Variants in CAMLG observed in about 807,000 individuals in gnomAD.
CAMLG encodes the protein calcium modulating ligand, also known as guided entry of tail-anchored proteins factor CAMLG.
Under a neutral mutation model 28.9 loss-of-function variants are expected in CAMLG, and 23 were observed. The observed-to-expected ratio is 0.80, with a 90% CI of 0.57 to 1.13. The LOEUF (loss-of-function observed/expected upper bound fraction) is 1.13, where lower values mean the gene tolerates loss of function less well. Ranked by LOEUF, CAMLG falls within the 50% of genes most tolerant of loss-of-function variation. CAMLG has a pLI of 0.00. For synonymous variants in CAMLG, 141 were observed against 146.5 expected (o/e 0.96, Z 0.27); for missense variants, 367 against 371.9 (o/e 0.99, Z 0.11).
At chr5:134,748,862 C>T (rs1187100094) in intron 3 of CAMLG, among the ~76,000 whole-genome samples, 1 of 152,164 alleles carries the variant, frequency 6.6e-6, no homozygotes. Context: ...TGAGATTTAT[C>T]CATGTTGTTG....
intron 3 of CAMLG, among the ~76,000 whole-genome samples, chr5:134,747,865 CTTT>C (rs112151765): frequency 5.8e-5 from 8 of 137,460 alleles, no homozygotes; most frequent in Non-Finnish European, 7.9e-5. Flanking sequence ...TGGTCTCTTT[CTTT>C]TTTTTTTTTT....
chr5:134,745,760 A>G (rs1753040068), intron 3 of CAMLG, among the ~76,000 whole-genome samples: 1 of 151,794 alleles, frequency 6.6e-6, no homozygotes, highest in South Asian at 2.1e-4. Context: ...CAAAAAAAAA[A>G]AAAGAAAATC....
intron 3 of CAMLG, among the ~76,000 whole-genome samples, chr5:134,746,302 A>C (rs916490358): frequency 2.0e-5 from 3 of 152,154 alleles, no homozygotes; most frequent in Non-Finnish European, 4.4e-5. Context: ...AGAAAAAATA[A>C]TGTATTATTT....
chr5:134,741,049 A>G lies in CAMLG; in HGVS notation c.173-14A>G. 6.3e-7 allele frequency: 1 copy of G among 1,581,522 alleles called. No individual in the cohort carries two copies. Among genetic ancestry groups the G allele is most frequent in the East Asian group, 2.2e-5 (1 of 44,600 alleles). On this transcript the variant is annotated splice_polypyrimidine_tract_variant and intron_variant, in intron 1 of 3. Transcript: ENST00000297156. Reference sequence around the variant, plus strand: ...TGGAATAAATACATAAGGCTTTTACATTTCTTTTCTCAGAAGAAGAAAGTC... The same window carrying G: ...TGGAATAAATACATAAGGCTTTTACGTTTCTTTTCTCAGAAGAAGAAAGTC...
intron 2 of CAMLG, among the ~76,000 whole-genome samples, chr5:134,743,340 A>G (rs1227829192): frequency 6.6e-6 from 1 of 152,210 alleles, no homozygotes; most frequent in East Asian, 1.9e-4. Flanking sequence ...GGGGACGCTA[A>G]AAGAATATGA....
At chr5:134,743,400 T>C (rs1753006960) in intron 2 of CAMLG, among the ~76,000 whole-genome samples, 1 of 152,126 alleles carries the variant, frequency 6.6e-6, no homozygotes, top group Admixed American at 6.6e-5. Flanking sequence ...AATCAAATAT[T>C]TTATTTTCTT....
intron 3 of CAMLG, among the ~76,000 whole-genome samples, chr5:134,745,222 G>A (rs772770469): frequency 6.6e-6 from 1 of 151,478 alleles, no homozygotes; most frequent in South Asian, 2.1e-4. Flanking sequence ...TGGATCACGA[G>A]GTCAAGAGAT....
chr5:134,743,167 G>A (rs557705385), intron 2 of CAMLG, among the ~76,000 whole-genome samples: 6 of 152,278 alleles, frequency 3.9e-5, no homozygotes, highest in South Asian at 4.1e-4. Context: ...AGAATGCCAC[G>A]TATTTTGAGT....
chr5:134,740,854 C>T (rs1180667638), intron 1 of CAMLG, among the ~76,000 whole-genome samples: 1 of 152,180 alleles, frequency 6.6e-6, no homozygotes, highest in Admixed American at 6.5e-5. Context: ...ATGATCCGCC[C>T]GCCTCAGCCT....
In CAMLG at chr5:134,752,075, G is replaced by C. The variant is rs556336059; in HGVS notation, c.*1125G>C. ...AAGACTAAAGTGTTAATGTCACTTG[G>C]TGTTACATTTCCTTACAGATTTTTG... On this transcript the variant is annotated 3_prime_UTR_variant, in exon 4 of 4. Coordinates refer to ENST00000297156, the MANE Select transcript of CAMLG (RefSeq NM_001745.4). The C allele has an allele frequency of 1.3e-5, 2 of 152,312 alleles. No individual in the cohort carries two copies. The highest frequency in any genetic ancestry group is 4.1e-4 in the South Asian group (2 of 4,828). The allele number at this position is 152,312 out of a possible 1,614,324, so 9.4% of individuals were successfully genotyped here. A position where few individuals can be genotyped will look rare whatever the true frequency, so the allele number is the denominator to read the frequency against.
intron 3 of CAMLG, among the ~76,000 whole-genome samples, chr5:134,746,388 A>C (rs1299675419): frequency 6.6e-6 from 1 of 152,178 alleles, no homozygotes; most frequent in African/African-American, 2.4e-5. Flanking sequence ...TGTGTGATAG[A>C]GATGTATATA....
In CAMLG at chr5:134,738,724, A is replaced by C. The variant is rs1272676528; in HGVS notation, c.104A>C (p.Lys35Thr). The C allele has an allele frequency of 6.2e-7, 1 of 1,614,042 alleles. No homozygotes were observed. Among genetic ancestry groups the C allele is most frequent in the Admixed American group, 1.7e-5 (1 of 60,012 alleles). ...CGTCGGGCGGAGCTGCGTCGGAGAA[A>C]GCTGCTCATGAACTCGGAACAGCGC... is the stretch of plus-strand genomic sequence containing the variant. The part of the protein sequence containing the change: ...SQRRAELRRR[K>T]LLMNSEQRIN... The change falls in exon 1 of 4, where the codon AAG (lysine) becomes ACG (threonine). Residue 35 changes from lysine (K) to threonine (T), a missense_variant. Transcript: ENST00000297156.
At chr5:134,743,017 C>T (rs1317351275) in intron 2 of CAMLG, among the ~76,000 whole-genome samples, 1 of 152,210 alleles carries the variant, frequency 6.6e-6, no homozygotes, top group Non-Finnish European at 1.5e-5. Context: ...GGATTACAGG[C>T]ATGAGCCGCC....
rs780547999 is a variant in CAMLG at position 134,745,139 on chromosome 5, T to C, written c.699+1087T>C. Among the ~76,000 whole-genome samples the C allele has an allele frequency of 2.6e-5, 4 of 152,216 alleles. No homozygotes were observed. In the South Asian group the frequency reaches 8.3e-4, roughly 31 times the overall value. On this transcript the variant is annotated intron_variant, in intron 3 of 3. Coordinates refer to ENST00000297156, the MANE Select transcript of CAMLG (RefSeq NM_001745.4). ...TTGTAATTTTAATTAAGCATTTGTT[T>C]AGAAATTCACCTTTGAGGCGGGGCG...
intron 3 of CAMLG, among the ~76,000 whole-genome samples, chr5:134,744,495 C>G (rs1753022165): frequency 6.8e-6 from 1 of 146,888 alleles, no homozygotes; most frequent in Non-Finnish European, 1.5e-5. Flanking sequence ...CTGCACTGCT[C>G]CAGTCTGGGT....
intron 2 of CAMLG, among the ~76,000 whole-genome samples, chr5:134,741,874 A>T (rs1235930858): frequency 6.6e-6 from 1 of 152,104 alleles, no homozygotes; most frequent in Non-Finnish European, 1.5e-5. Flanking sequence ...TGAACCCGGG[A>T]GGTGGAGGTT....
At chr5:134,749,071 GTT>G (rs757032417) in intron 3 of CAMLG, among the ~76,000 whole-genome samples, 3 of 139,268 alleles carry the variant, frequency 2.2e-5, no homozygotes, top group Non-Finnish European at 1.6e-5. Context: ...TAACTATAGG[GTT>G]TTTTTTTTTT....
chr5:134,749,699 CTCT>C (rs1010350205), intron 3 of CAMLG, among the ~76,000 whole-genome samples: 25 of 152,206 alleles, frequency 1.6e-4, no homozygotes, highest in African/African-American at 5.8e-4. Flanking sequence ...CTAAATCCTG[CTCT>C]TCTTTGAAGG....
chr5:134,740,907 C>T (rs1444176035), intron 1 of CAMLG, among the ~76,000 whole-genome samples, 156 bp from the exon 2 acceptor site: 2 of 152,186 alleles, frequency 1.3e-5, no homozygotes, highest in Admixed American at 6.6e-5. Flanking sequence ...GGCACCTGGC[C>T]GAAACCAGCT....
Sources: allele counts gnomAD v4.1 joint callset (sites outside exome capture counted in the v4.1 genomes callset), GRCh38; gene constraint gnomAD v4.1.1; transcripts MANE v1.5; gene names NCBI Gene and HGNC (gene_info 2026-07-23, HGNC 2026-07-21).